Variants in MICU3 observed in about 807,000 individuals in gnomAD.
The protein encoded by MICU3 is mitochondrial calcium uptake 3.
In MICU3, 62 loss-of-function variants were observed where a neutral mutation model predicts 66.5. That is an observed-to-expected ratio of 0.93 (90% CI 0.76 to 1.15). The LOEUF (loss-of-function observed/expected upper bound fraction) is 1.15, where lower values mean the gene tolerates loss of function less well. Ranked by LOEUF, MICU3 falls within the 50% of genes most tolerant of loss-of-function variation. MICU3 has a pLI of 0.00. For synonymous variants in MICU3, 308 were observed against 240.7 expected (o/e 1.28, Z -2.59); for missense variants, 779 against 664.4 (o/e 1.17, Z -1.90).
At chr8:17,132,429 T>C in the MICU3 span, 1 of 152,318 alleles carries the variant, frequency 6.6e-6, no homozygotes, top group South Asian at 2.1e-4. Flanking sequence ...TGCCTTTTAT[T>C]TTGGTTTCTG....
intron 11 of MICU3, 134 bp downstream of exon 11, chr8:17,105,718 C>A: frequency 2.2e-6 from 1 of 458,576 alleles, no homozygotes; most frequent in Non-Finnish European, 3.8e-6. Flanking sequence ...ATTCTGTGTC[C>A]TAAATGCTCT....
chr8:17,130,179 G>T, the MICU3 span, among the ~76,000 whole-genome samples: 1 of 152,142 alleles, frequency 6.6e-6, no homozygotes, highest in Non-Finnish European at 1.5e-5. Flanking sequence ...AGTTCACCAC[G>T]TAAATGATAA....
At chr8:17,109,704 C>A (rs1248079106) in intron 11 of MICU3, among the ~76,000 whole-genome samples, 1 of 151,750 alleles carries the variant, frequency 6.6e-6, no homozygotes, top group Non-Finnish European at 1.5e-5. Context: ...AATCTTTGGG[C>A]CTTTTGAATT....
intron 8 of MICU3, 100 bp downstream of exon 8, chr8:17,090,684 A>G: frequency 1.1e-6 from 1 of 906,742 alleles, no homozygotes; most frequent in South Asian, 2.3e-5. Context: ...CTGTTTACTA[A>G]TAGAATGTTT....
chr8:17,068,772 G>C (rs1819094862), intron 2 of MICU3, among the ~76,000 whole-genome samples: 1 of 152,022 alleles, frequency 6.6e-6, no homozygotes, highest in South Asian at 2.1e-4. Flanking sequence ...TTGTAATTTT[G>C]AATTTGATAT....
chr8:17,036,658 C>G (rs892496935), intron 1 of MICU3, among the ~76,000 whole-genome samples: 13 of 152,192 alleles, frequency 8.5e-5, no homozygotes, highest in African/African-American at 2.4e-5. Context: ...AAACCTTGAG[C>G]TAGACACAGG....
chr8:17,094,781 C>G (rs1800492791), intron 8 of MICU3, among the ~76,000 whole-genome samples: 1 of 151,984 alleles, frequency 6.6e-6, no homozygotes, highest in Admixed American at 6.6e-5. Context: ...CACAGGTGTT[C>G]TTTCTTAAGA....
chr8:17,118,658 T>C, intron 13 of MICU3, 49 bp from the exon 14 acceptor site: 1 of 1,177,280 alleles, frequency 8.5e-7, no homozygotes, highest in Non-Finnish European at 1.3e-6. Flanking sequence ...GAAATCACGC[T>C]GTATTTGTCT....
chr8:17,105,272 C>T (rs1801643891), intron 10 of MICU3, 141 bp from the exon 11 acceptor site: 3 of 550,948 alleles, frequency 5.4e-6, no homozygotes, highest in African/African-American at 2.0e-5. Flanking sequence ...TTCTCATTTA[C>T]AGGGAGGAAC....
chr8:17,047,852 G>T (rs1158060577), intron 1 of MICU3, among the ~76,000 whole-genome samples: 1 of 152,190 alleles, frequency 6.6e-6, no homozygotes, highest in Non-Finnish European at 1.5e-5. Context: ...AACATAAAAA[G>T]GGGTGAAATT....
chr8:17,089,356 TC>T (rs1319207261), intron 7 of MICU3, among the ~76,000 whole-genome samples: 1 of 152,038 alleles, frequency 6.6e-6, no homozygotes, highest in African/African-American at 2.4e-5. Context: ...ATAATGCAAA[TC>T]TGAACCAGGG....
At chr8:17,117,073 G>A (rs1482209393) in intron 13 of MICU3, among the ~76,000 whole-genome samples, 2 of 152,084 alleles carry the variant, frequency 1.3e-5, no homozygotes, top group Non-Finnish European at 2.9e-5. Flanking sequence ...GAACTCCTGG[G>A]CTCAAGTGAG....
At chr8:17,067,719 G>A (rs1026036468) in intron 2 of MICU3, among the ~76,000 whole-genome samples, 13 of 152,080 alleles carry the variant, frequency 8.5e-5, no homozygotes, top group African/African-American at 2.4e-4. Flanking sequence ...AATTACAGGC[G>A]TAAGCCACCA....
intron 1 of MICU3, among the ~76,000 whole-genome samples, chr8:17,060,221 G>T (rs1817607081): frequency 6.6e-6 from 1 of 151,880 alleles, no homozygotes; most frequent in South Asian, 2.1e-4. Context: ...GATGAGCTGA[G>T]TTCTCCTAGT....
At chr8:17,060,282 G>A (rs1817618351) in intron 1 of MICU3, among the ~76,000 whole-genome samples, 1 of 146,220 alleles carries the variant, frequency 6.8e-6, no homozygotes, top group East Asian at 1.9e-4. Flanking sequence ...GGGTTATCAT[G>A]GGGAAACTGT....
chr8:17,066,868 T>C (rs898937355), intron 2 of MICU3, among the ~76,000 whole-genome samples: 2 of 151,872 alleles, frequency 1.3e-5, no homozygotes, highest in African/African-American at 2.4e-5. Flanking sequence ...TTTTGAAAAA[T>C]TTTACTTCAT....
intron 9 of MICU3, among the ~76,000 whole-genome samples, chr8:17,103,576 A>AGAAG (rs35799459): frequency 0.079 from 11,979 of 150,780 alleles, 651 homozygotes; most frequent in East Asian, 0.24. Flanking sequence ...GGCCAACTGG[A>AGAAG]GAAGGAAGGA....
At chr8:17,037,601 T>A (rs1385057611) in intron 1 of MICU3, among the ~76,000 whole-genome samples, 1 of 152,186 alleles carries the variant, frequency 6.6e-6, no homozygotes, top group East Asian at 1.9e-4. Context: ...AGAAGGGATA[T>A]GTGGGGTCAG....
chr8:17,116,184 T>C (rs1048097970), intron 12 of MICU3, among the ~76,000 whole-genome samples: 1 of 152,220 alleles, frequency 6.6e-6, no homozygotes, highest in Non-Finnish European at 1.5e-5. Context: ...AAAGTATCTG[T>C]CACTGATAGT....
Sources: allele counts gnomAD v4.1 joint callset (sites outside exome capture counted in the v4.1 genomes callset), GRCh38; gene constraint gnomAD v4.1.1; transcripts MANE v1.5; gene names NCBI Gene and HGNC (gene_info 2026-07-23, HGNC 2026-07-21).